The following PDE3B variants were observed in gnomAD, a reference collection of about 807,000 sequenced individuals.
PDE3B encodes the protein phosphodiesterase 3B.
Under a neutral mutation model 116.8 loss-of-function variants are expected in PDE3B, and 66 were observed. The ratio of observed to expected loss-of-function variants is 0.56; its 90% CI spans 0.46 to 0.69. The LOEUF (loss-of-function observed/expected upper bound fraction) is 0.69, where lower values mean the gene tolerates loss of function less well. Among genes scored for constraint, PDE3B ranks in the 30% least tolerant of loss-of-function variants. The pLI is 0.00. For synonymous variants in PDE3B, 595 were observed against 533.6 expected (o/e 1.12, Z -1.59); for missense variants, 1,384 against 1,368.1 (o/e 1.01, Z -0.18).
At chr11:14,741,332 A>G (rs1038029385) in intron 1 of PDE3B, among the ~76,000 whole-genome samples, 2 of 151,990 alleles carry the variant, frequency 1.3e-5, no homozygotes, top group Admixed American at 6.5e-5. Context: ...TTTTTGTTGC[A>G]TTGATCTGTT....
chr11:14,722,495 T>A (rs1304427652), intron 1 of PDE3B, among the ~76,000 whole-genome samples: 1 of 152,162 alleles, frequency 6.6e-6, no homozygotes, highest in Non-Finnish European at 1.5e-5. Flanking sequence ...AAGGAGAAAT[T>A]TATTCCGTTT....
chr11:14,861,635 T>C (rs538433842), intron 14 of PDE3B, among the ~76,000 whole-genome samples: 1 of 152,258 alleles, frequency 6.6e-6, no homozygotes, highest in South Asian at 2.1e-4. Flanking sequence ...CAGCCGCAAA[T>C]CCGAGTTTGC....
chr11:14,644,684 C>T lies in PDE3B; in HGVS notation c.609C>T (p.Cys203=). 2 of 1,511,824 alleles carry T rather than the reference C, an allele frequency of 1.3e-6. No homozygotes were observed. The highest frequency in any genetic ancestry group is 1.3e-5 in the South Asian group (1 of 77,604). 93.7% of individuals were successfully genotyped at this position (1,511,824 alleles called of 1,614,324 possible). A position where few individuals can be genotyped will look rare whatever the true frequency, so the allele number is the denominator to read the frequency against. The change falls in exon 1 of 16, where the codon TGC becomes TGT. Residue 203 remains cysteine (C), a synonymous_variant. Transcript: ENST00000282096. The part of the protein sequence containing the change: ...AAGRLLLVLS[C]VGLLLTLAHP... ...GCAGGTTGCTGCTGGTGCTGAGCTG[C>T]GTAGGGCTGCTGCTGACGCTCGCGC...
At chr11:14,688,045 A>G (rs1319732927) in intron 1 of PDE3B, among the ~76,000 whole-genome samples, 1 of 150,784 alleles carries the variant, frequency 6.6e-6, no homozygotes, top group Non-Finnish European at 1.5e-5. Context: ...TTCCCTTTTC[A>G]TTTAATTTTA....
intron 1 of PDE3B, among the ~76,000 whole-genome samples, chr11:14,702,671 T>G (rs567325219): frequency 5.3e-5 from 8 of 151,950 alleles, no homozygotes; most frequent in Admixed American, 2.0e-4. Flanking sequence ...TGAAATTAAG[T>G]AAAATTAGAG....
At chr11:14,723,918 C>G (rs1272019032) in intron 1 of PDE3B, among the ~76,000 whole-genome samples, 1 of 152,172 alleles carries the variant, frequency 6.6e-6, no homozygotes, top group Non-Finnish European at 1.5e-5. Flanking sequence ...GCCAGACTAG[C>G]AAGGCCTTGG....
chr11:14,701,803 A>T (rs1449056935), intron 1 of PDE3B, among the ~76,000 whole-genome samples: 2 of 150,046 alleles, frequency 1.3e-5, no homozygotes. Flanking sequence ...TTTTTTTTTT[A>T]AAGCATCCAG....
intron 1 of PDE3B, among the ~76,000 whole-genome samples, chr11:14,675,183 G>A (rs1854494289): frequency 6.6e-6 from 1 of 152,104 alleles, no homozygotes; most frequent in African/African-American, 2.4e-5. Context: ...GAACCTTTTA[G>A]GCCTTAAGTC....
At chr11:14,891,947 G>A in the PDE3B span, 17 of 1,604,924 alleles carry the variant, frequency 1.1e-5, no homozygotes, top group Non-Finnish European at 1.4e-5. Flanking sequence ...CCAGCCTGGC[G>A]GCCCTCCCTG....
chr11:14,778,314 G>T (rs1241838619), intron 2 of PDE3B, among the ~76,000 whole-genome samples: 1 of 152,204 alleles, frequency 6.6e-6, no homozygotes, highest in African/African-American at 2.4e-5. Flanking sequence ...GTTGAAGAGA[G>T]GAGTGGTTCT....
intron 1 of PDE3B, among the ~76,000 whole-genome samples, chr11:14,688,119 C>T (rs926627245): frequency 3.1e-5 from 4 of 130,362 alleles, no homozygotes; most frequent in Middle Eastern, 3.5e-3. Context: ...CTCTTTCTCT[C>T]TCTCTCTCTC....
intron 1 of PDE3B, among the ~76,000 whole-genome samples, chr11:14,756,936 A>G (rs937021046): frequency 5.0e-5 from 7 of 141,172 alleles, no homozygotes; most frequent in South Asian, 2.5e-4. Context: ...ATATCTCCCA[A>G]TGCTATCCCT....
chr11:14,882,746 T>C, the PDE3B span, among the ~76,000 whole-genome samples: 15 of 152,276 alleles, frequency 9.9e-5, no homozygotes, highest in Admixed American at 4.6e-4. Flanking sequence ...TCAAATTGTC[T>C]CTGTTTGCAG....
the PDE3B span, chr11:14,890,351 A>G: frequency 2.6e-6 from 1 of 382,450 alleles, no homozygotes; most frequent in Non-Finnish European, 3.6e-6. Context: ...GAGATGAAAT[A>G]TATTACATGA....
chr11:14,892,325 G>A, the PDE3B span: 1 of 967,330 alleles, frequency 1.0e-6, no homozygotes, highest in South Asian at 1.5e-5. Flanking sequence ...GTGGCCATTG[G>A]CTGACTGAGT....
At position 14,867,588 on chromosome 11, in the gene PDE3B, C is replaced by A; in HGVS notation, c.2969C>A (p.Ser990Tyr). The A allele has an allele frequency of 1.2e-6, 2 of 1,614,034 alleles. No homozygotes were observed. The highest frequency in any genetic ancestry group is 1.7e-6 in the Non-Finnish European group (2 of 1,179,970). Reference sequence around the variant, plus strand: ...CCTCAACTAGCAAAACTCCAAGAATCTTTTATCACCCACATAGTGGGTCCC... The same window carrying A: ...CCTCAACTAGCAAAACTCCAAGAATATTTTATCACCCACATAGTGGGTCCC... ...SSPQLAKLQE[S>Y]FITHIVGPLC... Residue 990 changes from serine to tyrosine, a missense_variant, in exon 15 of 16, where the codon TCT becomes TAT. By Grantham distance (144) the Ser-to-Tyr change is moderately radical (BLOSUM62 -2). Transcript: ENST00000282096.
chr11:14,731,923 T>A (rs751042670), intron 1 of PDE3B, among the ~76,000 whole-genome samples: 7 of 152,082 alleles, frequency 4.6e-5, no homozygotes, highest in Non-Finnish European at 8.8e-5. Flanking sequence ...CACCTTTTGA[T>A]AAGTAAGTGC....
At chr11:14,878,136 C>G in the PDE3B span, 1 of 1,613,052 alleles carries the variant, frequency 6.2e-7, no homozygotes, top group East Asian at 2.2e-5. Flanking sequence ...CGTCTTTCAG[C>G]ACAGATGAGG....
intron 12 of PDE3B, among the ~76,000 whole-genome samples, chr11:14,846,753 A>G (rs1297866041): frequency 2.6e-5 from 4 of 152,220 alleles, no homozygotes; most frequent in Middle Eastern, 3.4e-3. Context: ...AGGCCATTAC[A>G]TAATGGTAAA....
Sources: allele counts gnomAD v4.1 joint callset (sites outside exome capture counted in the v4.1 genomes callset), GRCh38; gene constraint gnomAD v4.1.1; transcripts MANE v1.5; gene names NCBI Gene and HGNC (gene_info 2026-07-23, HGNC 2026-07-21).